Variants in OSBPL10 observed in about 807,000 individuals in gnomAD.
OSBPL10 encodes oxysterol-binding protein-related protein 10.
OSBPL10 carries 49 observed loss-of-function variants against 81.7 expected under a neutral mutation model. The ratio of observed to expected loss-of-function variants is 0.60; its 90% CI spans 0.48 to 0.76. The LOEUF is 0.76. OSBPL10 is among the 30% of genes least tolerant of loss of function. OSBPL10 has a pLI of 0.00. For synonymous variants in OSBPL10, 419 were observed against 383.6 expected, an observed-to-expected ratio of 1.09 and a Z score of -1.08; for missense variants, 923 against 987.8, an observed-to-expected ratio of 0.93 and a Z score of 0.88.
At chr3:31,741,842 T>C (rs1487781349) in intron 5 of OSBPL10, among the ~76,000 whole-genome samples, 4 of 152,168 alleles carry the variant, frequency 2.6e-5, no homozygotes, top group Non-Finnish European at 5.9e-5. Context: ...TGATGGTGAA[T>C]GGGTCTCACG....
At chr3:31,987,641 C>T (rs1161822236) in intron 2 of OSBPL10, among the ~76,000 whole-genome samples, 1 of 152,210 alleles carries the variant, frequency 6.6e-6, no homozygotes, top group Admixed American at 6.5e-5. Context: ...GTCTCTCATC[C>T]TCTAGCAGGC....
intron 4 of OSBPL10, among the ~76,000 whole-genome samples, chr3:31,783,528 C>T (rs1247963302): frequency 1.3e-5 from 2 of 151,568 alleles, no homozygotes; most frequent in African/African-American, 4.9e-5. Context: ...TGGTGGCTCA[C>T]ACCTGTAATC....
chr3:31,856,512 C>T (rs1700916116), intron 3 of OSBPL10, among the ~76,000 whole-genome samples: 1 of 152,190 alleles, frequency 6.6e-6, no homozygotes, highest in South Asian at 2.1e-4. Context: ...GCTTGTCCAA[C>T]TTTACTAAGG....
chr3:31,846,812 C>T (rs1359265053), intron 3 of OSBPL10, among the ~76,000 whole-genome samples: 1 of 152,082 alleles, frequency 6.6e-6, no homozygotes, highest in Non-Finnish European at 1.5e-5. Context: ...GCATGCCCAC[C>T]TTTCAAAGCT....
At chr3:31,901,498 C>T (rs1696239811) in intron 1 of OSBPL10, among the ~76,000 whole-genome samples, 1 of 152,216 alleles carries the variant, frequency 6.6e-6, no homozygotes, top group African/African-American at 2.4e-5. Context: ...CTACTTCTTA[C>T]TTGTGCTTTC....
chr3:32,073,094 A>G (rs1434712692), intron 1 of OSBPL10, among the ~76,000 whole-genome samples: 1 of 152,112 alleles, frequency 6.6e-6, no homozygotes, highest in African/African-American at 2.4e-5. Flanking sequence ...CAGTACTTTG[A>G]CCTTCTGCCC....
At chr3:31,897,160 T>C (rs1004972964) in intron 1 of OSBPL10, among the ~76,000 whole-genome samples, 1 of 152,014 alleles carries the variant, frequency 6.6e-6, no homozygotes, top group African/African-American at 2.4e-5. Flanking sequence ...ACAAAACAAA[T>C]ACCATAGTTA....
intron 2 of OSBPL10, among the ~76,000 whole-genome samples, chr3:32,001,582 A>G (rs1699148396): frequency 6.6e-6 from 1 of 152,246 alleles, no homozygotes; most frequent in Admixed American, 6.5e-5. Flanking sequence ...AAGAATTTAA[A>G]TTACAGAGAT....
intron 8 of OSBPL10, among the ~76,000 whole-genome samples, chr3:31,678,184 AGAGGCAAT>A (rs1181741604): frequency 2.0e-5 from 3 of 151,950 alleles, no homozygotes; most frequent in Non-Finnish European, 2.9e-5. Flanking sequence ...GTTCAGCTGC[AGAGGCAAT>A]GACAGGAGGC....
At chr3:31,930,003 C>CAAACAAAAAAAAAAAAAAAAAA (rs1306473764) in intron 1 of OSBPL10, among the ~76,000 whole-genome samples, 1 of 72,574 alleles carries the variant, frequency 1.4e-5, no homozygotes, top group Non-Finnish European at 2.6e-5. Context: ...TGTCACCAAC[C>CAAACAAAAAAAAAAAAAAAAAA]AAAAAAAAAA....
At chr3:31,744,390 A>C (rs7612246) in intron 5 of OSBPL10, among the ~76,000 whole-genome samples, 57,243 of 151,252 alleles carry the variant, frequency 0.38, 13,048 homozygotes, top group East Asian at 0.77. Flanking sequence ...AAAATACAAA[A>C]ATTAGCCAGG....
intron 5 of OSBPL10, among the ~76,000 whole-genome samples, chr3:31,734,536 G>C (rs1433670028): frequency 1.3e-5 from 2 of 152,020 alleles, no homozygotes. Flanking sequence ...CCAGGAGTTG[G>C]AGATCAACCC....
At chr3:31,968,871 T>TA (rs1698478229) in intron 1 of OSBPL10, among the ~76,000 whole-genome samples, 1 of 152,302 alleles carries the variant, frequency 6.6e-6, no homozygotes, top group Non-Finnish European at 1.5e-5. Context: ...GCCAAGCTAA[T>TA]AAAAATTACC....
chr3:31,884,475 G>A (rs4267677), intron 1 of OSBPL10, among the ~76,000 whole-genome samples: 102,145 of 152,100 alleles, frequency 0.67, 34,453 homozygotes, highest in East Asian at 0.87. Flanking sequence ...CATGGCCTCT[G>A]ACAGTTAAGT....
intron 6 of OSBPL10, among the ~76,000 whole-genome samples, chr3:31,723,167 G>A (rs1212517130): frequency 3.9e-5 from 6 of 152,158 alleles, no homozygotes. Context: ...TGTGACATGA[G>A]GACTGTCCAG....
At chr3:31,981,332 G>C, upstream of OSBPL10, 3 of 1,224,028 alleles carry the variant, frequency 2.5e-6, no homozygotes, top group Non-Finnish European at 3.1e-6. This position sits in a 1 kb window ranked among gnomAD's most constrained non-coding sequence, Gnocchi z 4.5. Flanking sequence ...AGAGGAGGAG[G>C]AGGCGAAGGA....
intron 3 of OSBPL10, among the ~76,000 whole-genome samples, chr3:31,863,937 A>C (rs1559496807): frequency 6.6e-6 from 1 of 152,166 alleles, no homozygotes; most frequent in Non-Finnish European, 1.5e-5. Flanking sequence ...ACTGATACTA[A>C]TACTACTACT....
Position 31,997,412 on chromosome 3 carries a change from G to A in OSBPL10, n.298+49079C>T, listed in dbSNP as rs554133610. Among the ~76,000 whole-genome samples, 62 of 151,626 alleles carry A rather than the reference G, an allele frequency of 4.1e-4. No homozygotes were observed. The South Asian group carries it at 9.6e-3, about 23-fold the overall frequency. ...CCCAAGTCACTGGGATTACAAGCAC[G>A]AGCCACCACACCCAGCTAATTTTTC... On this transcript the variant is annotated intron_variant and non_coding_transcript_variant, in intron 2 of 3. Coordinates refer to the OSBPL10 transcript ENST00000479173.
At chr3:31,895,101 A>C (rs1696012991) in intron 1 of OSBPL10, among the ~76,000 whole-genome samples, 1 of 150,544 alleles carries the variant, frequency 6.6e-6, no homozygotes, top group Admixed American at 6.6e-5. Context: ...ATGTGACAGA[A>C]CATAAATGCT....
Sources: gnomAD v4.1 joint callset for allele counts (sites outside exome capture counted in the v4.1 genomes callset) on GRCh38, gnomAD v4.1.1 for gene constraint, Gnocchi (gnomAD v3.1) non-coding constraint, MANE v1.5 for transcripts, NCBI Gene and HGNC (gene_info 2026-07-23, HGNC 2026-07-21) for gene names.